DPF3: variants seen among roughly 807,000 people sequenced by gnomAD.
DPF3 encodes zinc finger protein DPF3.
In DPF3, 18 loss-of-function variants were observed where a neutral mutation model predicts 56.8. That is an observed-to-expected ratio of 0.32 (90% CI 0.22 to 0.47). The LOEUF (loss-of-function observed/expected upper bound fraction) is 0.47, where lower values mean the gene tolerates loss of function less well. Among genes scored for constraint, DPF3 ranks in the 20% least tolerant of loss-of-function variants. DPF3 has a pLI of 1.00. For missense variants in DPF3, 403 were observed against 488.8 expected, an observed-to-expected ratio of 0.82 and a Z score of 1.65; for synonymous variants, 188 against 180.2, an observed-to-expected ratio of 1.04 and a Z score of -0.35.
chr14:72,821,033 C>T (rs958804296), intron 1 of DPF3, among the ~76,000 whole-genome samples: 9 of 151,182 alleles, frequency 6.0e-5, no homozygotes, highest in Non-Finnish European at 8.8e-5. Context: ...GCTTGGGAGG[C>T]TGAGGCATGA....
Position 72,621,577 on chromosome 14 carries a change from A to G in DPF3, c.985-1593T>C, listed in dbSNP as rs148848107. Among the ~76,000 whole-genome samples, 1,024 of 152,310 alleles carry G rather than the reference A, an allele frequency of 6.7e-3. 11 individuals are homozygous for G. Among genetic ancestry groups the G allele is most frequent in the African/African-American group, 0.023 (974 of 41,554 alleles). On this transcript the variant is annotated intron_variant, in intron 9 of 10. Transcript: ENST00000556509. ...CAGGAAAGCTTTTGAAGAGTTATCA[A>G]CAGGGGAGTGATACGATCAGATTGC...
At chr14:72,755,843 C>T (rs1890766277) in intron 2 of DPF3, among the ~76,000 whole-genome samples, 1 of 152,200 alleles carries the variant, frequency 6.6e-6, no homozygotes. Flanking sequence ...TCCTTGCCCT[C>T]CTCAACAGGC....
At chr14:72,830,782 CACTT>C (rs980228285) in intron 1 of DPF3, among the ~76,000 whole-genome samples, 2 of 152,210 alleles carry the variant, frequency 1.3e-5, no homozygotes, top group African/African-American at 4.8e-5. Context: ...TTTCAATAAA[CACTT>C]ACCAAATGGA....
rs945677670 is a variant in DPF3 at position 72,827,480 on chromosome 14, CCTTTA to C, written c.33-55592_33-55588del. 3.3e-4 allele frequency among the ~76,000 whole-genome samples: 48 copies of C among 147,136 alleles called. No homozygotes were observed. The South Asian group carries it at 3.9e-3, about 12-fold the overall frequency. ...AACTCCTAGTACTCAACAACCATTCCCTTTACTCTTTTTTTTTTTTTTTTTTTTTT... is the reference window on the plus strand; with the variant it reads ...AACTCCTAGTACTCAACAACCATTCCCTCTTTTTTTTTTTTTTTTTTTTTT... On this transcript the variant is annotated intron_variant, in intron 1 of 10. Coordinates refer to ENST00000556509, the MANE Select transcript of DPF3 (RefSeq NM_001280542.3).
intron 3 of DPF3, among the ~76,000 whole-genome samples, chr14:72,739,242 A>C (rs1222016198): frequency 1.0e-5 from 1 of 95,518 alleles, no homozygotes; most frequent in Non-Finnish European, 2.7e-5. Context: ...ACTCTGTCTC[A>C]AAAAAAAAAA....
At chr14:72,652,646 G>A (rs1052936725) in intron 8 of DPF3, among the ~76,000 whole-genome samples, 8 of 152,126 alleles carry the variant, frequency 5.3e-5, no homozygotes, top group African/African-American at 1.7e-4. Context: ...GCCCTCAGAG[G>A]CAGACCTGGG....
At chr14:72,753,985 T>A (rs1269855917) in intron 2 of DPF3, among the ~76,000 whole-genome samples, 2 of 146,598 alleles carry the variant, frequency 1.4e-5, no homozygotes, top group Non-Finnish European at 3.0e-5. Context: ...CACCTCTATA[T>A]CCCCGCCTAC....
intron 1 of DPF3, among the ~76,000 whole-genome samples, chr14:72,813,296 G>A (rs1428990170): frequency 1.3e-5 from 2 of 152,164 alleles, no homozygotes; most frequent in Non-Finnish European, 1.5e-5. Context: ...TGCTGCTCAG[G>A]TGAGGGGACA....
intron 5 of DPF3, among the ~76,000 whole-genome samples, chr14:72,716,193 T>C (rs1352450381): frequency 6.6e-6 from 1 of 151,932 alleles, no homozygotes; most frequent in Non-Finnish European, 1.5e-5. Context: ...GAACTGGATG[T>C]ACGAGGGCTT....
At position 72,629,615 on chromosome 14, in the gene DPF3, C is replaced by T. The variant is rs1365178951; in HGVS notation, c.984+9G>A. On this transcript the variant is annotated intron_variant, in intron 9 of 10. Coordinates refer to ENST00000556509, the MANE Select transcript of DPF3 (RefSeq NM_001280542.3). ...TTTCTCCCTCCCACAGGGAAAGCCC[C>T]AAACTCACATCATTCTCTGAGGTCC... is the stretch of plus-strand genomic sequence containing the variant. The T allele has an allele frequency of 1.3e-6, 2 of 1,534,548 alleles. No individual in the cohort carries two copies. Among genetic ancestry groups the T allele is most frequent in the East Asian group, 2.4e-5 (1 of 40,904 alleles).
intron 1 of DPF3, among the ~76,000 whole-genome samples, chr14:72,858,996 C>T (rs550696763): frequency 6.6e-6 from 1 of 152,018 alleles, no homozygotes; most frequent in Admixed American, 6.6e-5. Flanking sequence ...CCTATATACA[C>T]ATATATATTT....
At chr14:72,660,462 TGACC>T (rs1222853100) in intron 8 of DPF3, among the ~76,000 whole-genome samples, 1 of 152,222 alleles carries the variant, frequency 6.6e-6, no homozygotes, top group Non-Finnish European at 1.5e-5. Flanking sequence ...TGGTTCTGTC[TGACC>T]TAGAGGACCC....
At chr14:72,652,670 A>G (rs929238915) in intron 8 of DPF3, among the ~76,000 whole-genome samples, 2 of 152,198 alleles carry the variant, frequency 1.3e-5, no homozygotes, top group Admixed American at 6.5e-5. Context: ...TTTATCACAG[A>G]GCACACCATG....
intron 2 of DPF3, among the ~76,000 whole-genome samples, chr14:72,771,491 C>A (rs1891529299): frequency 6.6e-6 from 1 of 151,794 alleles, no homozygotes; most frequent in Non-Finnish European, 1.5e-5. Flanking sequence ...TTTCACTCCC[C>A]ACCCCACCCC....
At chr14:72,731,664 T>G in intron 4 of DPF3, 143 bp downstream of exon 4, 1 of 1,182,474 alleles carries the variant, frequency 8.5e-7, no homozygotes, top group Non-Finnish European at 1.2e-6. Context: ...TTTGGGAGCT[T>G]CCTGGCCACC....
chr14:72,658,195 G>A (rs1444098049), intron 8 of DPF3, among the ~76,000 whole-genome samples: 1 of 152,072 alleles, frequency 6.6e-6, no homozygotes, highest in African/African-American at 2.4e-5. Flanking sequence ...TTAAGGGGCC[G>A]GATACCCCAT....
chr14:72,712,592 G>A lies in DPF3; in HGVS notation c.604+1831C>T, dbSNP rs190112825. Among the ~76,000 whole-genome samples, 21 of 152,338 alleles carry A rather than the reference G, an allele frequency of 1.4e-4. No individual in the cohort carries two copies. The East Asian group carries it at 3.3e-3, about 24-fold the overall frequency. ...AAGCATTTTAAAAGAGGAACAAATG[G>A]CTGGGTGCAGTGGCTCACACCTGTA... On this transcript the variant is annotated intron_variant, in intron 6 of 10. Transcript: ENST00000556509.
intron 1 of DPF3, among the ~76,000 whole-genome samples, chr14:72,878,296 G>A (rs1455046172): frequency 6.6e-6 from 1 of 152,174 alleles, no homozygotes; most frequent in African/African-American, 2.4e-5. Flanking sequence ...CTCAATACAA[G>A]AGAGAAAGGC....
rs1370828496 is a variant in DPF3 at position 72,645,021 on chromosome 14, TAG to T, written c.872-15287_872-15286del. ...GCACTCCAAGTGGCTGTCACTGGTC[TAG>T]AGTTTGCATACAAGAAGAAACCAAC... On this transcript the variant is annotated intron_variant, in intron 8 of 10. Coordinates refer to ENST00000556509, the MANE Select transcript of DPF3 (RefSeq NM_001280542.3). Among the ~76,000 whole-genome samples the T allele has an allele frequency of 5.3e-5, 8 of 152,362 alleles. No homozygotes were observed. The South Asian group carries it at 8.3e-4, about 16-fold the overall frequency.
Sources: gnomAD v4.1 joint callset for allele counts (sites outside exome capture counted in the v4.1 genomes callset) on GRCh38, gnomAD v4.1.1 for gene constraint, MANE v1.5 for transcripts, NCBI Gene and HGNC (gene_info 2026-07-23, HGNC 2026-07-21) for gene names.